The following ATP8B2 variants were observed in gnomAD, a reference collection of about 807,000 sequenced individuals.
ATP8B2 encodes phospholipid-transporting ATPase ID.
In ATP8B2, 70 loss-of-function variants were observed where a neutral mutation model predicts 133.4. The observed-to-expected ratio is 0.52, with a 90% CI of 0.43 to 0.64. ATP8B2 has a LOEUF of 0.64. Ranked by LOEUF, ATP8B2 falls within the 30% of genes least tolerant of loss-of-function variation. ATP8B2 has a pLI of 0.00. For missense variants in ATP8B2, 1,101 were observed against 1,535.7 expected (o/e 0.72, Z 4.73); for synonymous variants, 517 against 589.5 (o/e 0.88, Z 1.78).
Position 154,345,296 on chromosome 1 carries a change from C to T in ATP8B2, c.2471-26C>T, listed in dbSNP as rs571604934. The T allele has an allele frequency of 2.5e-6, 4 of 1,612,356 alleles. No individual in the cohort carries two copies. In the African/African-American group the frequency reaches 4.0e-5, roughly 16 times the overall value. ...GTGTGTGGCCGGTGGCCATCTTCAC[C>T]CTCTTGTCATCTCTTGTCTCTGCAG... On this transcript the variant is annotated intron_variant, in intron 22 of 27. Coordinates refer to ENST00000368489, the MANE Select transcript of ATP8B2 (RefSeq NM_001370597.1). This position sits in a 1 kb window ranked among gnomAD's most constrained non-coding sequence, Gnocchi z 5.6.
chr1:154,334,422 T>A lies in ATP8B2; in HGVS notation c.749-81T>A. The A allele has an allele frequency of 6.5e-7, 1 of 1,537,372 alleles. No individual in the cohort carries two copies. Among genetic ancestry groups the A allele is most frequent in the Non-Finnish European group, 9.0e-7 (1 of 1,114,864 alleles). On this transcript the variant is annotated intron_variant, in intron 10 of 27. Coordinates refer to ENST00000368489, the MANE Select transcript of ATP8B2 (RefSeq NM_001370597.1). The surrounding 1 kb of genome is among the most constrained non-coding windows in gnomAD (Gnocchi z 4.6). ...CCAGTATCTCTATTCCACCCTGGTGTCCTGCAGTCTGGGGATCAGGGCAGA... is the reference window on the plus strand; with the variant it reads ...CCAGTATCTCTATTCCACCCTGGTGACCTGCAGTCTGGGGATCAGGGCAGA...
intron 11 of ATP8B2, among the ~76,000 whole-genome samples, chr1:154,335,001 G>A (rs551652792): frequency 7.9e-4 from 121 of 152,264 alleles, no homozygotes; most frequent in Middle Eastern, 3.4e-3. Flanking sequence ...GGATCCCAAA[G>A]GAAAAGTTTC....
intron 2 of ATP8B2, among the ~76,000 whole-genome samples, chr1:154,330,111 C>G (rs868060210): frequency 7.5e-4 from 114 of 152,250 alleles, no homozygotes; most frequent in African/African-American, 2.6e-3. Context: ...TCAGATTCCT[C>G]TGGAGTGGGG....
In ATP8B2 at chr1:154,328,479, T is replaced by G. The variant is rs962578428; in HGVS notation, c.31+307T>G. On this transcript the variant is annotated intron_variant, in intron 2 of 27. Coordinates refer to ENST00000368489, the MANE Select transcript of ATP8B2 (RefSeq NM_001370597.1). The surrounding 1 kb of genome is among the most constrained non-coding windows in gnomAD (Gnocchi z 4.6). ...GTGTTCTCATCTCTGCTTGGTCCTC[T>G]CACCCCTTCCCTGCTCCCCTCGTTT... Among the ~76,000 whole-genome samples, 46 of 152,172 alleles carry G rather than the reference T, an allele frequency of 3.0e-4. No homozygotes were observed. Among genetic ancestry groups the G allele is most frequent in the Non-Finnish European group, 5.4e-4 (37 of 68,018 alleles).
At position 154,328,510 on chromosome 1, in the gene ATP8B2, T is replaced by A. The variant is rs1293124465; in HGVS notation, c.31+338T>A. On this transcript the variant is annotated intron_variant, in intron 2 of 27. Coordinates refer to ENST00000368489, the MANE Select transcript of ATP8B2 (RefSeq NM_001370597.1). The surrounding 1 kb of genome is among the most constrained non-coding windows in gnomAD (Gnocchi z 4.6). ...CTTCCCTGCTCCCCTCGTTTTTCCA[T>A]CTACCGGTTCTCCTGGTTTTTCCGC... Among the ~76,000 whole-genome samples, 2 of 152,156 alleles carry A rather than the reference T, an allele frequency of 1.3e-5. No individual in the cohort carries two copies. The highest frequency in any genetic ancestry group is 2.9e-5 in the Non-Finnish European group (2 of 68,016).
intron 27 of ATP8B2, 39 bp from the exon 28 acceptor site, chr1:154,348,801 C>T: frequency 6.5e-7 from 1 of 1,534,660 alleles, no homozygotes; most frequent in Non-Finnish European, 8.8e-7. Flanking sequence ...TCTGACACCT[C>T]CACGCTGACA....
At chr1:154,347,406 G>A (rs1686620742) in intron 26 of ATP8B2, among the ~76,000 whole-genome samples, 1 of 152,188 alleles carries the variant, frequency 6.6e-6, no homozygotes, top group African/African-American at 2.4e-5. Flanking sequence ...GTCAGAGGAA[G>A]AACTTTGAGT....
Position 154,344,450 on chromosome 1 carries a change from G to A in ATP8B2, c.2091G>A (p.Glu697=). 6.2e-7 allele frequency: 1 copy of A among 1,614,154 alleles called. No homozygotes were observed. Among genetic ancestry groups the A allele is most frequent in the Non-Finnish European group, 8.5e-7 (1 of 1,180,022 alleles). The stretch of plus-strand genomic sequence containing the variant: ...AGATGCTGACGGATGACATGACTGA[G>A]GTTTTCATAGTCACTGGCCATACTG... The part of the protein sequence containing the change: ...SCKMLTDDMT[E]VFIVTGHTVL... Residue 697 remains glutamate, a synonymous_variant, in exon 20 of 28, where the codon GAG becomes GAA. Coordinates refer to ENST00000368489, the MANE Select transcript of ATP8B2 (RefSeq NM_001370597.1). The surrounding 1 kb of genome is among the most constrained non-coding windows in gnomAD (Gnocchi z 4.1).
rs1686125615 is a variant in ATP8B2, at chr1:154,334,955, TGG to T, written c.837+365_837+366del. On this transcript the variant is annotated intron_variant, in intron 11 of 27. Coordinates refer to ENST00000368489, the MANE Select transcript of ATP8B2 (RefSeq NM_001370597.1). This position sits in a 1 kb window ranked among gnomAD's most constrained non-coding sequence, Gnocchi z 4.6. ...AGAAAAATTTCCATTTGGAAGAGGT[TGG>T]CAGGGTCTTTTCCCCCCAACTTCTA... 6.6e-6 allele frequency among the ~76,000 whole-genome samples: 1 copy of T among 152,208 alleles called. No individual in the cohort carries two copies. Among genetic ancestry groups the T allele is most frequent in the African/African-American group, 2.4e-5 (1 of 41,466 alleles).
At chr1:154,342,982 G>T (rs200445804) in intron 15 of ATP8B2, 21 bp downstream of exon 15, 1 of 1,612,054 alleles carries the variant, frequency 6.2e-7, no homozygotes, top group African/African-American at 1.3e-5. Context: ...GAGCCGGCTC[G>T]CACTCTCCTG....
chr1:154,334,211 CG>C lies in ATP8B2; in HGVS notation c.698del (p.Gly233AlafsTer23). 6.2e-7 allele frequency: 1 copy of C among 1,614,180 alleles called. No homozygotes were observed. The highest frequency in any genetic ancestry group is 8.5e-7 in the Non-Finnish European group (1 of 1,180,038). On this transcript the variant is annotated frameshift_variant, in exon 10 of 28. Coordinates refer to ENST00000368489, the MANE Select transcript of ATP8B2 (RefSeq NM_001370597.1). LOFTEE classifies it high-confidence loss of function. The surrounding 1 kb of genome is among the most constrained non-coding windows in gnomAD (Gnocchi z 4.6). ...FPLSNQNMLLRGCVLRNTEWC... is the reference protein window; with the variant it reads ...FPLSNQNMLLXGCVLRNTEWC... Reference sequence around the variant, plus strand: ...TCTGAGCAACCAGAACATGCTGCTGCGGGGCTGTGTGCTGCGAAACACCGAG... The same window carrying C: ...TCTGAGCAACCAGAACATGCTGCTGCGGGCTGTGTGCTGCGAAACACCGAG...
rs1435450341 is a variant in ATP8B2 at position 154,331,285 on chromosome 1, A to G, written c.303+139A>G. ...CTTACCCGGTCCAGCTAGATCCATGATGTCTTTTTGCTGAGCGTGGGGAGA... is the reference window on the plus strand; with the variant it reads ...CTTACCCGGTCCAGCTAGATCCATGGTGTCTTTTTGCTGAGCGTGGGGAGA... On this transcript the variant is annotated intron_variant, in intron 5 of 27. Coordinates refer to ENST00000368489, the MANE Select transcript of ATP8B2 (RefSeq NM_001370597.1). This position sits in a 1 kb window ranked among gnomAD's most constrained non-coding sequence, Gnocchi z 4.8. The G allele has an allele frequency of 5.4e-5, 61 of 1,133,204 alleles. No individual in the cohort carries two copies. In the Admixed American group the frequency reaches 1.2e-3, roughly 23 times the overall value. The allele number at this position is 1,133,204 out of a possible 1,614,324, so 70.2% of individuals were successfully genotyped here.
Position 154,350,570 on chromosome 1 carries a change from AAGG to A in ATP8B2, c.*1455_*1457del, listed in dbSNP as rs1686750863. ...CTCTCTGCTCCCTTCTTCAGTAAGC[AAGG>A]AGCCCCGCCCCTCAGGCCCAGCCTC... On this transcript the variant is annotated 3_prime_UTR_variant, in exon 28 of 28. Coordinates refer to ENST00000368489, the MANE Select transcript of ATP8B2 (RefSeq NM_001370597.1). 6.6e-6 allele frequency: 1 copy of A among 152,270 alleles called. No individual in the cohort carries two copies. The highest frequency in any genetic ancestry group is 1.5e-5 in the Non-Finnish European group (1 of 68,090). 9.4% of individuals were successfully genotyped at this position (152,270 alleles called of 1,614,324 possible).
chr1:154,331,110 C>A lies in ATP8B2; in HGVS notation c.267C>A (p.Leu89=), dbSNP rs769390905. 1 of 1,614,098 alleles carries A rather than the reference C, an allele frequency of 6.2e-7. No individual in the cohort carries two copies. The highest frequency in any genetic ancestry group is 8.5e-7 in the Non-Finnish European group (1 of 1,179,988). The part of the protein sequence containing the change: ...FTTIVPLVLV[L]TITAVKDATD... ...CCATTGTGCCTTTGGTTCTTGTCCT[C>A]ACCATCACAGCTGTTAAAGATGCCA... The change falls in exon 5 of 28, where the codon CTC becomes CTA. Residue 89 remains leucine, a synonymous_variant. Transcript: ENST00000368489. This position sits in a 1 kb window ranked among gnomAD's most constrained non-coding sequence, Gnocchi z 4.8.
intron 8 of ATP8B2, 89 bp downstream of exon 8, chr1:154,332,113 C>T: frequency 7.1e-7 from 1 of 1,412,392 alleles, no homozygotes; most frequent in Non-Finnish European, 1.0e-6. Context: ...GGCCTGGGCT[C>T]TGTCTGAATT....
rs1378294979 is a variant in ATP8B2, at chr1:154,337,413, G to A, written c.903G>A (p.Glu301=). 5 of 1,614,092 alleles carry A rather than the reference G, an allele frequency of 3.1e-6. No individual in the cohort carries two copies. Among genetic ancestry groups the A allele is most frequent in the Non-Finnish European group, 4.2e-6 (5 of 1,180,050 alleles). Residue 301 remains glutamate, a synonymous_variant, in exon 12 of 28, where the codon GAG becomes GAA. Coordinates refer to ENST00000368489, the MANE Select transcript of ATP8B2 (RefSeq NM_001370597.1). The part of the protein sequence containing the change: ...LAIGNAIWEH[E]VGMRFQVYLP... Reference sequence around the variant, plus strand: ...TTGGCAATGCCATCTGGGAGCACGAGGTGGGGATGCGTTTCCAGGTCTACC... The same window carrying A: ...TTGGCAATGCCATCTGGGAGCACGAAGTGGGGATGCGTTTCCAGGTCTACC...
chr1:154,336,057 A>G (rs200270586), intron 11 of ATP8B2, among the ~76,000 whole-genome samples: 45 of 149,768 alleles, frequency 3.0e-4, no homozygotes, highest in Admixed American at 4.7e-4. Context: ...AAAAAAAAAA[A>G]GGCCATCTAT....
At position 154,334,504 on chromosome 1, in the gene ATP8B2, T is replaced by C. The variant is rs778827271; in HGVS notation, c.750T>C (p.Gly250=). The stretch of plus-strand genomic sequence containing the variant: ...CCAGCCCTTCCCATTCTTTTCCAGG[T>C]CCCGACACTAAGCTGATGCAAAACA... ...EWCFGLVIFA[G]PDTKLMQNSG... Residue 250 remains glycine, a splice_region_variant and synonymous_variant, in exon 11 of 28, where the codon GGT becomes GGC. Coordinates refer to ENST00000368489, the MANE Select transcript of ATP8B2 (RefSeq NM_001370597.1). The surrounding 1 kb of genome is among the most constrained non-coding windows in gnomAD (Gnocchi z 4.6). The C allele has an allele frequency of 6.2e-7, 1 of 1,614,046 alleles. No individual in the cohort carries two copies. The highest frequency in any genetic ancestry group is 1.7e-5 in the Admixed American group (1 of 60,008).
chr1:154,344,320 C>A lies in ATP8B2; in HGVS notation c.2035+66C>A, dbSNP rs890891581. The A allele has an allele frequency of 6.2e-7, 1 of 1,614,084 alleles. No individual in the cohort carries two copies. The highest frequency in any genetic ancestry group is 8.5e-7 in the Non-Finnish European group (1 of 1,179,960). On this transcript the variant is annotated intron_variant, in intron 19 of 27. Transcript: ENST00000368489. This position sits in a 1 kb window ranked among gnomAD's most constrained non-coding sequence, Gnocchi z 4.1. ...AGCCCTGTTGGACCCTTGCATGGAG[C>A]CGAGGACATCAGGCAGGCAAGTGTG...
Sources: gnomAD v4.1 joint callset for allele counts (sites outside exome capture counted in the v4.1 genomes callset) on GRCh38, gnomAD v4.1.1 for gene constraint, Gnocchi (gnomAD v3.1) non-coding constraint, MANE v1.5 for transcripts, NCBI Gene and HGNC (gene_info 2026-07-23, HGNC 2026-07-21) for gene names.